C1orf198: variants seen among roughly 807,000 people sequenced by gnomAD.
C1orf198 encodes uncharacterized protein C1orf198.
A neutral mutation model predicts 31.4 loss-of-function variants in C1orf198; 17 were observed. The ratio of observed to expected loss-of-function variants is 0.54; its 90% CI spans 0.37 to 0.81. C1orf198 has a LOEUF of 0.81. Among genes scored for constraint, C1orf198 ranks in the 40% least tolerant of loss-of-function variants. The pLI, the probability that C1orf198 is intolerant of heterozygous loss-of-function variation, is 0.00. For missense variants in C1orf198, 401 were observed against 450.3 expected, an observed-to-expected ratio of 0.89 and a Z score of 0.99; for synonymous variants, 175 against 193.8, an observed-to-expected ratio of 0.90 and a Z score of 0.81.
At chr1:230,850,530 C>G (rs1322888051) in intron 2 of C1orf198, among the ~76,000 whole-genome samples, 2 of 152,176 alleles carry the variant, frequency 1.3e-5, no homozygotes, top group Non-Finnish European at 2.9e-5. Flanking sequence ...TGGGTGAGAA[C>G]AGAGCCTGTG....
At chr1:230,864,009 A>G (rs1156237835) in intron 1 of C1orf198, among the ~76,000 whole-genome samples, 1 of 152,034 alleles carries the variant, frequency 6.6e-6, no homozygotes, top group Non-Finnish European at 1.5e-5. Context: ...AGAAAAGGCC[A>G]GTCTACTAAA....
chr1:230,866,649 C>T (rs1276369516), intron 1 of C1orf198, among the ~76,000 whole-genome samples: 1 of 152,186 alleles, frequency 6.6e-6, no homozygotes, highest in Admixed American at 6.5e-5. Context: ...ATGACAGTCA[C>T]TCTCCAACAT....
Position 230,868,201 on chromosome 1 carries a change from C to T in C1orf198, c.312G>A (p.Lys104=), listed in dbSNP as rs1670165039. The change falls in exon 1 of 4, where the codon AAG becomes AAA. Residue 104 remains lysine, a synonymous_variant. Transcript: ENST00000366663. ...CTACCTCGTCCCCGAAGCGCACCAC[C>T]TTCTGGCCCGTGGGCCCGCGCAAGC... The part of the protein sequence containing the change: ...FPGLRGPTGQ[K]VVRFGDEDLT... The T allele has an allele frequency of 1.3e-6, 2 of 1,525,840 alleles. No homozygotes were observed. The highest frequency in any genetic ancestry group is 2.6e-5 in the East Asian group (1 of 37,802). The allele number at this position is 1,525,840 out of a possible 1,614,324, so 94.5% of individuals were successfully genotyped here. A position where few individuals can be genotyped will look rare whatever the true frequency, so the allele number is the denominator to read the frequency against.
In C1orf198 at chr1:230,850,906, G is replaced by C. The variant is rs201948003; in HGVS notation, c.384+4762C>G. Among the ~76,000 whole-genome samples, 20 of 152,186 alleles carry C rather than the reference G, an allele frequency of 1.3e-4. No homozygotes were observed. In the East Asian group the frequency reaches 3.9e-3, roughly 29 times the overall value. On this transcript the variant is annotated intron_variant, in intron 2 of 3. Transcript: ENST00000366663. ...GTCCCACCATGGGCAGCAAAGCCCC[G>C]AAAGTCACAGATAGACCTGAGCTCC...
chr1:230,857,463 G>A lies in C1orf198; in HGVS notation c.334-1745C>T, dbSNP rs1209236150. On this transcript the variant is annotated intron_variant, in intron 1 of 3. Transcript: ENST00000366663. The surrounding 1 kb of genome is among the most constrained non-coding windows in gnomAD (Gnocchi z 4.2). Reference sequence around the variant, plus strand: ...TCACACTCCCCCAAGACTTCCCAATGTGGGGGCACAGGCTCTTCACAGCTC... The same window carrying A: ...TCACACTCCCCCAAGACTTCCCAATATGGGGGCACAGGCTCTTCACAGCTC... 1.3e-5 allele frequency among the ~76,000 whole-genome samples: 2 copies of A among 152,178 alleles called. No individual in the cohort carries two copies. Among genetic ancestry groups the A allele is most frequent in the Admixed American group, 6.5e-5 (1 of 15,286 alleles).
rs567772445 is a variant in C1orf198 at position 230,852,273 on chromosome 1, C to A, written c.384+3395G>T. ...TGTTCGAGCACAGAAGTGGCATATG[C>A]TCAACTCTGGGCCTGCAGCATAATG... On this transcript the variant is annotated intron_variant, in intron 2 of 3. Transcript: ENST00000366663. 4.6e-5 allele frequency among the ~76,000 whole-genome samples: 7 copies of A among 152,144 alleles called. No individual in the cohort carries two copies. In the East Asian group the frequency reaches 9.7e-4, roughly 21 times the overall value.
intron 1 of C1orf198, among the ~76,000 whole-genome samples, chr1:230,858,266 C>A (rs1222383498): frequency 6.6e-6 from 1 of 152,180 alleles, no homozygotes; most frequent in Admixed American, 6.5e-5. Flanking sequence ...TCAGAACCCT[C>A]TGAGTTCCGT....
rs1263513163 is a variant in C1orf198 at position 230,838,197 on chromosome 1, T to G, written c.*1655A>C. ...CAACTGGGATTTCTAAGCTCCTTTT[T>G]CCCTCACCACCATGCTGAAACCTTT... On this transcript the variant is annotated 3_prime_UTR_variant, in exon 4 of 4. Transcript: ENST00000366663. This position sits in a 1 kb window ranked among gnomAD's most constrained non-coding sequence, Gnocchi z 4.2. 1 of 152,242 alleles carries G rather than the reference T, an allele frequency of 6.6e-6. No individual in the cohort carries two copies. Among genetic ancestry groups the G allele is most frequent in the Admixed American group, 6.5e-5 (1 of 15,284 alleles). 9.4% of individuals were successfully genotyped at this position (152,242 alleles called of 1,614,324 possible).
chr1:230,856,943 C>T (rs375641099), intron 1 of C1orf198, among the ~76,000 whole-genome samples: 14 of 152,218 alleles, frequency 9.2e-5, no homozygotes, highest in African/African-American at 2.9e-4. Flanking sequence ...CCCACAGACC[C>T]TCTTCTTTCA....
At chr1:230,853,894 C>T (rs182964131) in intron 2 of C1orf198, among the ~76,000 whole-genome samples, 190 of 152,220 alleles carry the variant, frequency 1.2e-3, no homozygotes, top group African/African-American at 2.2e-3. Flanking sequence ...TCTTTTTTCT[C>T]GAGATCTTCG....
At chr1:230,864,676 T>C (rs751424077) in intron 1 of C1orf198, among the ~76,000 whole-genome samples, 17 of 152,086 alleles carry the variant, frequency 1.1e-4, no homozygotes, top group Non-Finnish European at 2.4e-4. Context: ...AAGAGGCAAG[T>C]AGGTCCACGC....
chr1:230,839,981 T>C, intron 3 of C1orf198, 73 bp from the exon 4 acceptor site: 1 of 1,398,886 alleles, frequency 7.1e-7, no homozygotes, highest in Non-Finnish European at 9.8e-7. Context: ...AAAAACAGCA[T>C]CTCATTTAAA....
intron 2 of C1orf198, among the ~76,000 whole-genome samples, chr1:230,845,148 C>A (rs956263667): frequency 6.6e-6 from 1 of 150,602 alleles, no homozygotes. Context: ...TAGAAAATCG[C>A]TTGAGCCCAG....
chr1:230,860,163 T>C (rs1669975581), intron 1 of C1orf198, among the ~76,000 whole-genome samples: 1 of 152,144 alleles, frequency 6.6e-6, no homozygotes, highest in Admixed American at 6.5e-5. Context: ...ATAAAGGTAA[T>C]ATACTTCACA....
At chr1:230,868,037 CCCCT>C in intron 1 of C1orf198, 139 bp downstream of exon 1, 2 of 812,030 alleles carry the variant, frequency 2.5e-6, no homozygotes, top group Non-Finnish European at 3.4e-6. Context: ...CTCTGGGGCT[CCCCT>C]CCCACCCACT....
Position 230,843,257 on chromosome 1 carries a change from G to T in C1orf198, c.927+97C>A. The stretch of plus-strand genomic sequence containing the variant: ...AGGGGAAGGAGAAGAAAAAGAGCAT[G>T]GGCACCTGTGGCCTGCCTGCTTTGT... On this transcript the variant is annotated intron_variant, in intron 3 of 3. Coordinates refer to ENST00000366663, the MANE Select transcript of C1orf198 (RefSeq NM_032800.3). This position sits in a 1 kb window ranked among gnomAD's most constrained non-coding sequence, Gnocchi z 4.9. The T allele has an allele frequency of 7.3e-7, 1 of 1,365,478 alleles. No individual in the cohort carries two copies. The highest frequency in any genetic ancestry group is 1.4e-5 in the South Asian group (1 of 69,114). The allele number at this position is 1,365,478 out of a possible 1,614,324, so 84.6% of individuals were successfully genotyped here.
Position 230,841,094 on chromosome 1 carries a change from G to C in C1orf198, c.928-1186C>G, listed in dbSNP as rs375443134. 2.9e-4 allele frequency among the ~76,000 whole-genome samples: 44 copies of C among 152,312 alleles called. No homozygotes were observed. The South Asian group carries it at 8.3e-3, about 29-fold the overall frequency. ...TCTTTCAGAGGAAGCCCTCAGTGCCGAGTCTCAGAGAAAGAGTGCTGGTTA... is the reference window on the plus strand; with the variant it reads ...TCTTTCAGAGGAAGCCCTCAGTGCCCAGTCTCAGAGAAAGAGTGCTGGTTA... On this transcript the variant is annotated intron_variant, in intron 3 of 3. Coordinates refer to ENST00000366663, the MANE Select transcript of C1orf198 (RefSeq NM_032800.3).
At chr1:230,861,097 G>A (rs953726731) in intron 1 of C1orf198, among the ~76,000 whole-genome samples, 6 of 152,224 alleles carry the variant, frequency 3.9e-5, no homozygotes, top group African/African-American at 1.4e-4. Context: ...GTGGCACACA[G>A]AGGATTTCTG....
rs369070987 is a variant in C1orf198, at chr1:230,840,980, G to A, written c.928-1072C>T. ...ATCTGTTCTCTCAAAGGAATTTCAT[G>A]TGCTGTCTCCTACTCTCCACTGCCC... On this transcript the variant is annotated intron_variant, in intron 3 of 3. Transcript: ENST00000366663. The surrounding 1 kb of genome is among the most constrained non-coding windows in gnomAD (Gnocchi z 4.0). Among the ~76,000 whole-genome samples, 5 of 152,332 alleles carry A rather than the reference G, an allele frequency of 3.3e-5. No individual in the cohort carries two copies. In the South Asian group the frequency reaches 8.3e-4, roughly 25 times the overall value.
Sources: gnomAD v4.1 joint callset for allele counts (sites outside exome capture counted in the v4.1 genomes callset) on GRCh38, gnomAD v4.1.1 for gene constraint, Gnocchi (gnomAD v3.1) non-coding constraint, MANE v1.5 for transcripts, NCBI Gene and HGNC (gene_info 2026-07-23, HGNC 2026-07-21) for gene names.